The following VSIG10L2 variants were observed in gnomAD, a reference collection of about 807,000 sequenced individuals.
VSIG10L2 encodes V-set and immunoglobulin domain-containing protein 10-like 2.
In VSIG10L2, 56 loss-of-function variants were observed where a neutral mutation model predicts 67.1. The ratio of observed to expected loss-of-function variants is 0.83; its 90% CI spans 0.67 to 1.04. VSIG10L2 has a LOEUF of 1.04. Ranked by LOEUF, VSIG10L2 falls within the 50% of genes least tolerant of loss-of-function variation. VSIG10L2 has a pLI of 0.00. For missense variants in VSIG10L2, 843 were observed against 932.8 expected, an observed-to-expected ratio of 0.90 and a Z score of 1.25; for synonymous variants, 360 against 396.6, an observed-to-expected ratio of 0.91 and a Z score of 1.10.
Position 125,948,430 on chromosome 11 carries a change from C to A in VSIG10L2, c.559C>A (p.Pro187Thr), listed in dbSNP as rs990770855. The A allele has an allele frequency of 3.5e-5, 43 of 1,232,346 alleles. No homozygotes were observed. Among genetic ancestry groups the A allele is most frequent in the Admixed American group, 4.2e-5 (1 of 23,712 alleles). The allele number at this position is 1,232,346 out of a possible 1,614,324, so 76.3% of individuals were successfully genotyped here. ...PVTFAWQHRA[P>T]RGLGEALVGV... ...GACCTTTGCCTGGCAGCATCGGGCA[C>A]CCCGAGGCCTTGGAGAGGCCCTGGT... is the stretch of plus-strand genomic sequence containing the variant. The change falls in exon 3 of 12, where the codon CCC becomes ACC. Residue 187 changes from proline to threonine, a missense_variant. This residue lies in a region of VSIG10L2 where 446 missense variants were observed against 548.4 expected (regional missense o/e 0.81). Coordinates refer to ENST00000686984, the MANE Select transcript of VSIG10L2 (RefSeq NM_001365077.2).
At chr11:125,952,994 A>G (rs1945398554) in intron 6 of VSIG10L2, among the ~76,000 whole-genome samples, 3 of 152,172 alleles carry the variant, frequency 2.0e-5, no homozygotes, top group South Asian at 4.1e-4. Context: ...TTAATAAGTC[A>G]GTCCATAAAA....
Position 125,953,396 on chromosome 11 carries a change from G to A in VSIG10L2, c.1496-4G>A, listed in dbSNP as rs1945404412. 2.4e-6 allele frequency: 3 copies of A among 1,232,386 alleles called. No individual in the cohort carries two copies. Among genetic ancestry groups the A allele is most frequent in the Non-Finnish European group, 2.0e-6 (2 of 988,212 alleles). 76.3% of individuals were successfully genotyped at this position (1,232,386 alleles called of 1,614,324 possible). A position where few individuals can be genotyped will look rare whatever the true frequency, so the allele number is the denominator to read the frequency against. On this transcript the variant is annotated splice_polypyrimidine_tract_variant and splice_region_variant and intron_variant, in intron 6 of 11. Coordinates refer to ENST00000686984, the MANE Select transcript of VSIG10L2 (RefSeq NM_001365077.2). ...AGCCGGCCTCATCCTCTCTGTCCCC[G>A]CAGAAGCCCCACAGCTGGACGTGGC...
Position 125,950,106 on chromosome 11 carries a change from T to C in VSIG10L2, c.802T>C (p.Cys268Arg). 1 of 1,232,440 alleles carries C rather than the reference T, an allele frequency of 8.1e-7. No homozygotes were observed. Among genetic ancestry groups the C allele is most frequent in the Non-Finnish European group, 1.0e-6 (1 of 988,168 alleles). The allele number at this position is 1,232,440 out of a possible 1,614,324, so 76.3% of individuals were successfully genotyped here. Residue 268 changes from cysteine to arginine, a missense_variant, in exon 4 of 12, where the codon TGT becomes CGT. Around this residue, in one of 2 missense-constraint regions of VSIG10L2, gnomAD observed 446 missense variants for 548.4 expected, o/e 0.81. Transcript: ENST00000686984. ...ASEREEVTLS[C>R]LAASNPPSHY... Reference sequence around the variant, plus strand: ...TGAGAGGGAAGAGGTGACCCTGAGCTGTCTGGCTGCCTCCAACCCACCTAG... The same window carrying C: ...TGAGAGGGAAGAGGTGACCCTGAGCCGTCTGGCTGCCTCCAACCCACCTAG...
rs1209678767 is a variant in VSIG10L2 at position 125,955,124 on chromosome 11, G to A, written c.2151G>A (p.Thr717=). ...CAGGCACGGGAATGGTGGTAGCAAC[G>A]GTGGCCTCTCTACTGGTGTTCCAGT... is the stretch of plus-strand genomic sequence containing the variant. ...GAAGTGMVVA[T]VASLLVFQYA... Residue 717 remains threonine, a synonymous_variant, in exon 9 of 12, where the codon ACG becomes ACA. Transcript: ENST00000686984. 24 of 1,239,616 alleles carry A rather than the reference G, an allele frequency of 1.9e-5. No individual in the cohort carries two copies. Among genetic ancestry groups the A allele is most frequent in the Admixed American group, 4.0e-5 (1 of 24,920 alleles). The allele number at this position is 1,239,616 out of a possible 1,614,324, so 76.8% of individuals were successfully genotyped here.
rs1192771677 is a variant in VSIG10L2 at position 125,955,969 on chromosome 11, G to A, written c.*55G>A. On this transcript the variant is annotated 3_prime_UTR_variant, in exon 12 of 12. Transcript: ENST00000686984. Reference sequence around the variant, plus strand: ...AGGGAGGGCAGGTGGGATTTGGGAAGAGCCCTTCTGTCAGACTTTGGTCAT... The same window carrying A: ...AGGGAGGGCAGGTGGGATTTGGGAAAAGCCCTTCTGTCAGACTTTGGTCAT... 44 of 638,386 alleles carry A rather than the reference G, an allele frequency of 6.9e-5. No homozygotes were observed. The Middle Eastern group carries it at 9.9e-4, about 14-fold the overall frequency. The allele number at this position is 638,386 out of a possible 1,614,324, so 39.5% of individuals were successfully genotyped here.
chr11:125,950,189 C>T lies in VSIG10L2; in HGVS notation c.885C>T (p.Ile295=), dbSNP rs1249540465. 4 of 1,232,260 alleles carry T rather than the reference C, an allele frequency of 3.2e-6. No individual in the cohort carries two copies. The highest frequency in any genetic ancestry group is 3.1e-5 in the African/African-American group (2 of 64,432). 76.3% of individuals were successfully genotyped at this position (1,232,260 alleles called of 1,614,324 possible). A position where few individuals can be genotyped will look rare whatever the true frequency, so the allele number is the denominator to read the frequency against. ...TQVHTGPTYV[I]ARAGRVHTGL... is the part of the protein sequence containing the mutation. ...TCCACACGGGGCCTACCTATGTCAT[C>T]GCCAGAGCTGGCCGTGTCCACACAG... The change falls in exon 4 of 12, where the codon ATC becomes ATT. Residue 295 remains isoleucine, a synonymous_variant. Transcript: ENST00000686984.
Position 125,953,382 on chromosome 11 carries a change from T to C in VSIG10L2, c.1496-18T>C. The C allele has an allele frequency of 8.1e-7, 1 of 1,232,310 alleles. No individual in the cohort carries two copies. The highest frequency in any genetic ancestry group is 1.0e-6 in the Non-Finnish European group (1 of 988,158). 76.3% of individuals were successfully genotyped at this position (1,232,310 alleles called of 1,614,324 possible). A position where few individuals can be genotyped will look rare whatever the true frequency, so the allele number is the denominator to read the frequency against. On this transcript the variant is annotated intron_variant, in intron 6 of 11. Transcript: ENST00000686984. ...CAAGCCCTCCCACTAGCCGGCCTCA[T>C]CCTCTCTGTCCCCGCAGAAGCCCCA...
chr11:125,954,188 A>G lies in VSIG10L2; in HGVS notation c.1888A>G (p.Thr630Ala). 8.1e-7 allele frequency: 1 copy of G among 1,232,236 alleles called. No homozygotes were observed. Among genetic ancestry groups the G allele is most frequent in the East Asian group, 3.2e-5 (1 of 31,696 alleles). The allele number at this position is 1,232,236 out of a possible 1,614,324, so 76.3% of individuals were successfully genotyped here. Reference protein sequence around the residue: ...QWAILGPGNLTGFLVQRKASA... With the variant: ...QWAILGPGNLAGFLVQRKASA... ...GGCCATCTTAGGACCCGGGAACCTGACGGGCTTCCTGGTGCAGCGGAAGGC... is the reference window on the plus strand; with the variant it reads ...GGCCATCTTAGGACCCGGGAACCTGGCGGGCTTCCTGGTGCAGCGGAAGGC... Residue 630 changes from threonine to alanine, a missense_variant, in exon 8 of 12, where the codon ACG (threonine) becomes GCG (alanine). Coordinates refer to ENST00000686984, the MANE Select transcript of VSIG10L2 (RefSeq NM_001365077.2).
intron 1 of VSIG10L2, chr11:125,947,341 C>A: frequency 5.0e-6 from 4 of 795,130 alleles, no homozygotes; most frequent in Non-Finnish European, 4.6e-6. Context: ...TGGGCCCTGA[C>A]CCCCTCACCA....
Position 125,951,844 on chromosome 11 carries a change from C to G in VSIG10L2, c.1266C>G (p.Ser422Arg), listed in dbSNP as rs1186069170. 7 of 1,521,896 alleles carry G rather than the reference C, an allele frequency of 4.6e-6. No individual in the cohort carries two copies. Among genetic ancestry groups the G allele is most frequent in the Non-Finnish European group, 3.5e-6 (4 of 1,137,786 alleles). The allele number at this position is 1,521,896 out of a possible 1,614,324, so 94.3% of individuals were successfully genotyped here. The change falls in exon 6 of 12, where the codon AGC (serine) becomes AGG (arginine). Residue 422 changes from serine to arginine, a missense_variant. Transcript: ENST00000686984. ...CTCTCGGGAGGCCTACCTGCTGGAG[C>G]ACAGCCACAATGGGGGACCAGTTCA... is the stretch of plus-strand genomic sequence containing the variant. The part of the protein sequence containing the change: ...WEPLGRPTCW[S>R]TATMGDQFIM...
chr11:125,949,001 C>T (rs1312216468), intron 3 of VSIG10L2, among the ~76,000 whole-genome samples: 1 of 152,188 alleles, frequency 6.6e-6, no homozygotes, highest in East Asian at 1.9e-4. Flanking sequence ...AGATGAAGGC[C>T]AGGGTGGCCT....
chr11:125,947,452 C>T, intron 1 of VSIG10L2: 3 of 985,432 alleles, frequency 3.0e-6, no homozygotes, highest in Non-Finnish European at 3.6e-6. Context: ...TGCTCCAGTC[C>T]ATTCTCTGAC....
chr11:125,953,098 C>T (rs1945399643), intron 6 of VSIG10L2, among the ~76,000 whole-genome samples: 1 of 152,098 alleles, frequency 6.6e-6, no homozygotes, highest in South Asian at 2.1e-4. Flanking sequence ...TGGAAGGGGC[C>T]GTTCATGCAG....
chr11:125,950,683 T>G (rs7941400), intron 4 of VSIG10L2, among the ~76,000 whole-genome samples: 3,289 of 152,182 alleles, frequency 0.022, 112 homozygotes, highest in African/African-American at 0.074. Context: ...CTGGGATTCC[T>G]TGGGGACTCC....
chr11:125,949,894 T>G (rs571458479), intron 3 of VSIG10L2, 120 bp from the exon 4 acceptor site: 3 of 1,049,206 alleles, frequency 2.9e-6, no homozygotes, highest in African/African-American at 1.6e-5. Flanking sequence ...AGCCTTGGGG[T>G]GGACACGGGC....
chr11:125,948,934 C>T (rs540839747), intron 3 of VSIG10L2, among the ~76,000 whole-genome samples: 1 of 152,328 alleles, frequency 6.6e-6, no homozygotes, highest in East Asian at 1.9e-4. Flanking sequence ...GGAATGGGGC[C>T]ACAGTGGGAG....
In VSIG10L2 at chr11:125,951,874, G is replaced by A. The variant is rs1945377425; in HGVS notation, c.1296G>A (p.Met432Ile). The change falls in exon 6 of 12, where the codon ATG becomes ATA. Residue 432 changes from methionine to isoleucine, a missense_variant. Transcript: ENST00000686984. Reference protein sequence around the residue: ...STATMGDQFIMLSCEWPGGEP... With the variant: ...STATMGDQFIILSCEWPGGEP... ...CCACAATGGGGGACCAGTTCATCAT[G>A]CTGAGCTGCGAGTGGCCTGGCGGCG... 1 of 1,534,058 alleles carries A rather than the reference G, an allele frequency of 6.5e-7. No individual in the cohort carries two copies. Among genetic ancestry groups the A allele is most frequent in the Non-Finnish European group, 8.7e-7 (1 of 1,145,722 alleles).
Position 125,947,692 on chromosome 11 carries a change from C to T in VSIG10L2, c.89C>T (p.Pro30Leu). 8.1e-7 allele frequency: 1 copy of T among 1,232,330 alleles called. No individual in the cohort carries two copies. Among genetic ancestry groups the T allele is most frequent in the Non-Finnish European group, 1.0e-6 (1 of 988,152 alleles). The allele number at this position is 1,232,330 out of a possible 1,614,324, so 76.3% of individuals were successfully genotyped here. The change falls in exon 2 of 12, where the codon CCC becomes CTC. Residue 30 changes from proline to leucine, a missense_variant. Around this residue, in one of 2 missense-constraint regions of VSIG10L2, gnomAD observed 446 missense variants for 548.4 expected, o/e 0.81. Transcript: ENST00000686984. Reference sequence around the variant, plus strand: ...ATGCCCCTTCTCTCCCCAGGCCAGCCCCACCCGACCCCCGAGGCCCCTGTA... The same window carrying T: ...ATGCCCCTTCTCTCCCCAGGCCAGCTCCACCCGACCCCCGAGGCCCCTGTA... ...CLLHLRASGQ[P>L]HPTPEAPVEE...
chr11:125,955,091 G>T lies in VSIG10L2; in HGVS notation c.2118G>T (p.Leu706Phe). 1.6e-6 allele frequency: 2 copies of T among 1,237,592 alleles called. No homozygotes were observed. The highest frequency in any genetic ancestry group is 2.0e-6 in the Non-Finnish European group (2 of 991,534). The allele number at this position is 1,237,592 out of a possible 1,614,324, so 76.7% of individuals were successfully genotyped here. Residue 706 changes from leucine (L) to phenylalanine (F), a missense_variant, in exon 9 of 12, where the codon TTG becomes TTT. By Grantham distance (22) the Leu-to-Phe change is conservative (BLOSUM62 0). This residue lies in a region of VSIG10L2 where 397 missense variants were observed against 384.4 expected (regional missense o/e 1.03). Transcript: ENST00000686984. ...CCTTCAGCGCCTACCCAGCGGTGTT[G>T]GGTGCAGCAGGCACGGGAATGGTGG... The part of the protein sequence containing the change: ...DPPFSAYPAV[L>F]GAAGTGMVVA...
Sources: gnomAD v4.1 joint callset for allele counts (sites outside exome capture counted in the v4.1 genomes callset) on GRCh38, gnomAD v4.1.1 for gene constraint, gnomAD v4.1.1 regional missense constraint, MANE v1.5 for transcripts, NCBI Gene and HGNC (gene_info 2026-07-23, HGNC 2026-07-21) for gene names.